The following ZNF44 variants were observed in gnomAD, a reference collection of about 807,000 sequenced individuals.
ZNF44 encodes the protein zinc finger protein 44, also known as gonadotropin inducible transcription repressor-2.
In ZNF44, 9 loss-of-function variants were observed where a neutral mutation model predicts 11.7. That is an observed-to-expected ratio of 0.77 (90% confidence interval 0.46 to 1.35). The LOEUF is 1.35. ZNF44 is among the 40% of genes most tolerant of loss of function. The pLI, the probability that ZNF44 is intolerant of heterozygous loss-of-function variation, is 0.00. For synonymous variants in ZNF44, 224 were observed against 242.7 expected (o/e 0.92, Z 0.72); for missense variants, 696 against 743.1 (o/e 0.94, Z 0.74).
At chr19:12,257,196 C>A (rs934404737) in intron 5 of ZNF44, among the ~76,000 whole-genome samples, 1 of 152,186 alleles carries the variant, frequency 6.6e-6, no homozygotes, top group Non-Finnish European at 1.5e-5. Flanking sequence ...AGAGACTGAA[C>A]AAAACCTATA....
intron 5 of ZNF44, among the ~76,000 whole-genome samples, chr19:12,259,007 C>T (rs1282529600): frequency 6.6e-6 from 1 of 151,856 alleles, no homozygotes; most frequent in Admixed American, 6.6e-5. Flanking sequence ...CCCAAGCAGC[C>T]AGGACTACAG....
chr19:12,268,674 C>A (rs1264230067), downstream of ZNF44, among the ~76,000 whole-genome samples: 2 of 152,106 alleles, frequency 1.3e-5, no homozygotes, highest in African/African-American at 4.8e-5. Flanking sequence ...GCCTCAAACT[C>A]CTGGGTTCAA....
downstream of ZNF44, among the ~76,000 whole-genome samples, chr19:12,243,945 T>C (rs1341248011): frequency 6.6e-6 from 1 of 152,216 alleles, no homozygotes; most frequent in Non-Finnish European, 1.5e-5. Context: ...TCCGGCCATT[T>C]GTATGTCTTC....
At chr19:12,245,058 T>C (rs1044702410), downstream of ZNF44, among the ~76,000 whole-genome samples, 1 of 152,266 alleles carries the variant, frequency 6.6e-6, no homozygotes, top group Non-Finnish European at 1.5e-5. Context: ...GTTCCTGTGG[T>C]ATTCTAAATG....
At chr19:12,225,581 A>ATAAT (rs1241066161), downstream of ZNF44, among the ~76,000 whole-genome samples, 5 of 152,230 alleles carry the variant, frequency 3.3e-5, no homozygotes, top group African/African-American at 1.2e-4. Flanking sequence ...TATGAGGATA[A>ATAAT]TAATTAAGCG....
chr19:12,237,289 C>T (rs1318206523), intron 1 of ZNF44: 1 of 152,504 alleles, frequency 6.6e-6, no homozygotes, highest in Admixed American at 6.5e-5. Context: ...TGCCCGGGGT[C>T]CCGGCTGCTG....
intron 5 of ZNF44, among the ~76,000 whole-genome samples, chr19:12,258,185 A>AT (rs1568432854): frequency 1.3e-4 from 18 of 142,176 alleles, no homozygotes; most frequent in African/African-American, 4.9e-4. Context: ...AAAAAAAAAA[A>AT]TTAGCTGAGC....
At chr19:12,284,627 G>C in intron 1 of ZNF44, 1 of 747,450 alleles carries the variant, frequency 1.3e-6, no homozygotes, top group Non-Finnish European at 2.4e-6. Flanking sequence ...ACGAGGTTTT[G>C]ATTACACCAG....
rs1471851249 is a variant in ZNF44, at chr19:12,266,543, TC to T, written c.1912+5943del. ...CTAATTGGATAGTGCCCTAGGCCCC[TC>T]CCCCTGGGGTGGGGGACACAGTGCA... On this transcript the variant is annotated intron_variant and NMD_transcript_variant, in intron 5 of 7. Transcript: ENST00000393337. Among the ~76,000 whole-genome samples the T allele has an allele frequency of 9.2e-5, 14 of 152,032 alleles. No individual in the cohort carries two copies. In the South Asian group the frequency reaches 2.7e-3, roughly 29 times the overall value.
chr19:12,232,017 G>T (rs1916184156), intron 2 of ZNF44, among the ~76,000 whole-genome samples: 2 of 152,224 alleles, frequency 1.3e-5, no homozygotes, highest in Non-Finnish European at 2.9e-5. Context: ...TCATTTGTGG[G>T]TGTTTCTCCA....
At chr19:12,265,306 G>A (rs1917685641) in intron 5 of ZNF44, among the ~76,000 whole-genome samples, 1 of 152,032 alleles carries the variant, frequency 6.6e-6, no homozygotes, top group African/African-American at 2.4e-5. Context: ...GATCGGTTGA[G>A]ATGGGGAGGT....
downstream of ZNF44, among the ~76,000 whole-genome samples, chr19:12,245,993 A>T (rs997108633): frequency 6.6e-6 from 1 of 152,190 alleles, no homozygotes; most frequent in Non-Finnish European, 1.5e-5. Context: ...AGATGTCTCC[A>T]CCATCTTCAC....
intron 1 of ZNF44, among the ~76,000 whole-genome samples, chr19:12,290,128 G>A (rs770779087): frequency 2.6e-5 from 4 of 152,040 alleles, no homozygotes; most frequent in Non-Finnish European, 4.4e-5. Context: ...GCTCACGCCT[G>A]TAATCCCAGC....
At chr19:12,260,304 G>A (rs1917451251) in intron 5 of ZNF44, 2 of 853,264 alleles carry the variant, frequency 2.3e-6, no homozygotes, top group African/African-American at 1.7e-5. Context: ...CAAAGGTGTG[G>A]TGGTGGTCAC....
intron 1 of ZNF44, among the ~76,000 whole-genome samples, chr19:12,235,206 A>G (rs1353774148): frequency 6.6e-6 from 1 of 152,050 alleles, no homozygotes; most frequent in East Asian, 1.9e-4. Flanking sequence ...CATCTCTACT[A>G]AAAATACAAA....
chr19:12,230,834 T>C (rs1289745871), intron 2 of ZNF44, among the ~76,000 whole-genome samples: 5 of 152,096 alleles, frequency 3.3e-5, no homozygotes, highest in Admixed American at 1.3e-4. Flanking sequence ...AGAGTGTATA[T>C]TGGTTTTAGG....
chr19:12,245,171 C>T (rs1916737554), downstream of ZNF44, among the ~76,000 whole-genome samples: 1 of 151,976 alleles, frequency 6.6e-6, no homozygotes, highest in South Asian at 2.1e-4. Flanking sequence ...AGTACTTGGA[C>T]TTATATGCAA....
At chr19:12,284,174 G>T (rs1967613139) in intron 1 of ZNF44, among the ~76,000 whole-genome samples, 1 of 151,972 alleles carries the variant, frequency 6.6e-6, no homozygotes, top group Non-Finnish European at 1.5e-5. Context: ...AAATGACTGA[G>T]AATTATTTCA....
At chr19:12,231,940 C>T (rs2459018) in intron 2 of ZNF44, among the ~76,000 whole-genome samples, 9,239 of 152,158 alleles carry the variant, frequency 0.061, 935 homozygotes, top group African/African-American at 0.21. Context: ...AATAGGGAGA[C>T]CCAGGGAACC....
Sources: gnomAD v4.1 joint callset for allele counts (sites outside exome capture counted in the v4.1 genomes callset) on GRCh38, gnomAD v4.1.1 for gene constraint, MANE v1.5 for transcripts, NCBI Gene and HGNC (gene_info 2026-07-23, HGNC 2026-07-21) for gene names.